KSR2: variants seen among roughly 807,000 people sequenced by gnomAD.
The protein encoded by KSR2 is kinase suppressor of ras 2.
A neutral mutation model predicts 107.8 loss-of-function variants in KSR2; 25 were observed. The ratio of observed to expected loss-of-function variants is 0.23; its 90% CI spans 0.17 to 0.32. The LOEUF (loss-of-function observed/expected upper bound fraction) is 0.32, where lower values mean the gene tolerates loss of function less well. Among genes scored for constraint, KSR2 ranks in the 10% least tolerant of loss-of-function variants. The probability of loss-of-function intolerance (pLI) is 1.00; values close to 1 mark genes in which losing one functional copy is unlikely to be tolerated. For missense variants in KSR2, 887 were observed against 1,268.9 expected (o/e 0.70, Z 4.57); for synonymous variants, 480 against 507.0 (o/e 0.95, Z 0.71).
intron 9 of KSR2, among the ~76,000 whole-genome samples, chr12:117,553,231 A>T (rs1877433368): frequency 6.6e-6 from 1 of 152,228 alleles, no homozygotes. Flanking sequence ...CAGATGGTAA[A>T]TGGCTTCGAG....
At chr12:117,919,996 T>C (rs1382286493) in intron 1 of KSR2, among the ~76,000 whole-genome samples, 1 of 152,218 alleles carries the variant, frequency 6.6e-6, no homozygotes, top group Non-Finnish European at 1.5e-5. Context: ...GACTAACAAT[T>C]ATAAACATAT....
intron 3 of KSR2, among the ~76,000 whole-genome samples, chr12:117,828,668 G>A (rs961571772): frequency 2.6e-5 from 4 of 152,178 alleles, no homozygotes; most frequent in Admixed American, 6.5e-5. Context: ...ACCCAAGGCC[G>A]ACTGGTCTGT....
chr12:117,903,026 G>A (rs1042793494), intron 1 of KSR2, among the ~76,000 whole-genome samples: 2 of 152,194 alleles, frequency 1.3e-5, no homozygotes, highest in African/African-American at 4.8e-5. Context: ...TAAGCACTTA[G>A]AATAGAGCTT....
intron 7 of KSR2, among the ~76,000 whole-genome samples, chr12:117,569,342 T>C (rs1565904794): frequency 1.3e-5 from 2 of 152,132 alleles, no homozygotes; most frequent in Non-Finnish European, 2.9e-5. Flanking sequence ...GAGAAGTGCA[T>C]GGCTTATTTA....
At chr12:117,863,145 C>T (rs146371055) in intron 1 of KSR2, among the ~76,000 whole-genome samples, 194 of 152,332 alleles carry the variant, frequency 1.3e-3, no homozygotes, top group Middle Eastern at 0.01. Flanking sequence ...CACCCCATCA[C>T]AGCTGCAGGA....
intron 1 of KSR2, among the ~76,000 whole-genome samples, chr12:117,957,003 T>C (rs981092835): frequency 6.6e-6 from 1 of 152,212 alleles, no homozygotes; most frequent in African/African-American, 2.4e-5. Flanking sequence ...ATAATTGTCA[T>C]CCATAATAGT....
intron 1 of KSR2, among the ~76,000 whole-genome samples, chr12:117,885,794 T>C (rs1432212295): frequency 2.0e-5 from 3 of 151,900 alleles, no homozygotes; most frequent in Non-Finnish European, 2.9e-5. Context: ...ATGACACACA[T>C]ATACCTATGT....
At chr12:117,479,667 A>G (rs1319479052) in intron 16 of KSR2, among the ~76,000 whole-genome samples, 1 of 152,258 alleles carries the variant, frequency 6.6e-6, no homozygotes, top group East Asian at 1.9e-4. Context: ...GAAATGGTCC[A>G]AATCTCAGTG....
intron 1 of KSR2, among the ~76,000 whole-genome samples, chr12:117,957,905 C>G (rs554550071): frequency 1.3e-5 from 2 of 151,294 alleles, no homozygotes. Context: ...AATCTCAGCT[C>G]GCTGCAACCT....
At chr12:117,664,966 C>A (rs928977585) in intron 5 of KSR2, among the ~76,000 whole-genome samples, 6 of 152,102 alleles carry the variant, frequency 3.9e-5, no homozygotes, top group African/African-American at 1.4e-4. Context: ...GTTTCCCAAA[C>A]GAACCTGCCT....
At chr12:117,625,186 C>T (rs1882407137) in intron 5 of KSR2, among the ~76,000 whole-genome samples, 1 of 150,144 alleles carries the variant, frequency 6.7e-6, no homozygotes, top group African/African-American at 2.5e-5. Flanking sequence ...TAATTGAATA[C>T]CCTTTATTTC....
intron 5 of KSR2, among the ~76,000 whole-genome samples, chr12:117,662,073 G>A (rs1398763977): frequency 2.6e-5 from 4 of 152,168 alleles, no homozygotes; most frequent in Non-Finnish European, 1.5e-5. Flanking sequence ...GGAACCTCCT[G>A]TGTCTGCTGA....
chr12:117,480,168 G>A (rs532055798), intron 16 of KSR2, among the ~76,000 whole-genome samples: 1 of 133,830 alleles, frequency 7.5e-6, no homozygotes, highest in African/African-American at 2.7e-5. Flanking sequence ...CAATGACTGG[G>A]CCACTGGGGG....
In KSR2 at chr12:117,465,113, A is replaced by C. The variant is rs1358226018; in HGVS notation, c.*2086T>G. 1.3e-5 allele frequency: 2 copies of C among 152,114 alleles called. No individual in the cohort carries two copies. Among genetic ancestry groups the C allele is most frequent in the Non-Finnish European group, 2.9e-5 (2 of 68,104 alleles). The allele number at this position is 152,114 out of a possible 1,614,324, so 9.4% of individuals were successfully genotyped here. A position where few individuals can be genotyped will look rare whatever the true frequency, so the allele number is the denominator to read the frequency against. ...GACCCAAGAAGTCCTGGTGTGATGG[A>C]AGAGAAGTGAGTGGTTGGGTTTCAG... On this transcript the variant is annotated 3_prime_UTR_variant, in exon 20 of 20. Transcript: ENST00000339824.
intron 7 of KSR2, among the ~76,000 whole-genome samples, chr12:117,577,173 T>C (rs960257483): frequency 6.6e-5 from 10 of 152,214 alleles, no homozygotes; most frequent in Admixed American, 1.3e-4. Context: ...GAGAGGCCTC[T>C]GCCTGGACTA....
At chr12:117,817,447 A>T (rs963369231) in intron 3 of KSR2, among the ~76,000 whole-genome samples, 2 of 152,128 alleles carry the variant, frequency 1.3e-5, no homozygotes, top group African/African-American at 4.8e-5. Context: ...TAATGACTCA[A>T]TAAATAAAGA....
At chr12:117,927,744 C>G (rs1895573820) in intron 1 of KSR2, among the ~76,000 whole-genome samples, 1 of 152,046 alleles carries the variant, frequency 6.6e-6, no homozygotes, top group Non-Finnish European at 1.5e-5. Context: ...CCACTAAAAG[C>G]TGGTATGTGA....
intron 5 of KSR2, among the ~76,000 whole-genome samples, chr12:117,647,640 T>C (rs1457652568): frequency 1.3e-5 from 2 of 152,136 alleles, no homozygotes; most frequent in African/African-American, 4.8e-5. Flanking sequence ...GAACAGGCTT[T>C]TGTGGCATGT....
At chr12:117,941,462 C>A (rs2137535039) in intron 1 of KSR2, among the ~76,000 whole-genome samples, 1 of 152,106 alleles carries the variant, frequency 6.6e-6, no homozygotes, top group South Asian at 2.1e-4. Flanking sequence ...TTTTTTAAAA[C>A]CAAGCCTGCT....
Sources: gnomAD v4.1 joint callset for allele counts (sites outside exome capture counted in the v4.1 genomes callset) on GRCh38, gnomAD v4.1.1 for gene constraint, MANE v1.5 for transcripts, NCBI Gene and HGNC (gene_info 2026-07-23, HGNC 2026-07-21) for gene names.